PRKAR1A: variants seen among roughly 807,000 people sequenced by gnomAD.
The protein encoded by PRKAR1A is cAMP-dependent protein kinase type I-alpha regulatory subunit.
Under a neutral mutation model 52.0 loss-of-function variants are expected in PRKAR1A, and 3 were observed. That is an observed-to-expected ratio of 0.06 (90% CI 0.03 to 0.15). The LOEUF (loss-of-function observed/expected upper bound fraction) is 0.15. Ranked by LOEUF, PRKAR1A falls within the 10% of genes least tolerant of loss-of-function variation. The pLI, the probability that PRKAR1A is intolerant of heterozygous loss-of-function variation, is 1.00. For missense variants in PRKAR1A, 240 were observed against 477.4 expected (o/e 0.50, Z 4.63); for synonymous variants, 188 against 168.4 (o/e 1.12, Z -0.90).
intron 2 of PRKAR1A, among the ~76,000 whole-genome samples, chr17:68,515,983 C>T (rs1269207007): frequency 6.6e-6 from 1 of 152,144 alleles, no homozygotes; most frequent in Admixed American, 6.5e-5. Context: ...TCTTATCCCA[C>T]TTTTAAAACT....
Position 68,540,016 on chromosome 17 carries a change from G to A in PRKAR1A, c.973+10015G>A, listed in dbSNP as rs755660754. 9.0e-6 allele frequency: 14 copies of A among 1,547,302 alleles called. No individual in the cohort carries two copies. The African/African-American group carries it at 1.9e-4, about 21-fold the overall frequency. ...TGGAACCAGCAGGCCAGGGGGACAG[G>A]TGCTCCTGACCTGAGTTCTCTCCAG... is the stretch of plus-strand genomic sequence containing the variant. On this transcript the variant is annotated intron_variant, in intron 11 of 11. Coordinates refer to the PRKAR1A transcript ENST00000585981.
chr17:68,530,542 G>T lies in PRKAR1A; in HGVS notation c.*93G>T. Reference sequence around the variant, plus strand: ...TTTTCCCTACTTGCAGCGCCAAGTGGCCACTGGCATCGCAGCTTCCTGTCT... The same window carrying T: ...TTTTCCCTACTTGCAGCGCCAAGTGTCCACTGGCATCGCAGCTTCCTGTCT... On this transcript the variant is annotated 3_prime_UTR_variant, in exon 11 of 11. Transcript: ENST00000589228. The T allele has an allele frequency of 6.2e-7, 1 of 1,608,956 alleles. No homozygotes were observed.
intron 5 of PRKAR1A, among the ~76,000 whole-genome samples, 172 bp from the exon 6 acceptor site, chr17:68,524,740 A>C (rs910928108): frequency 1.3e-5 from 2 of 152,168 alleles, no homozygotes; most frequent in African/African-American, 4.8e-5. Context: ...ATTTTGATTA[A>C]TTCTATGACT....
In PRKAR1A at chr17:68,530,815, T is replaced by A. The variant is rs1216642187; in HGVS notation, c.*366T>A. On this transcript the variant is annotated 3_prime_UTR_variant, in exon 11 of 11. Transcript: ENST00000589228. ...TGCAAGATTTTTTTTTTAAGTGACA[T>A]AATTGTCCAGTTATAAGCGTATTTA... is the stretch of plus-strand genomic sequence containing the variant. 4 of 1,249,546 alleles carry A rather than the reference T, an allele frequency of 3.2e-6. No homozygotes were observed. The African/African-American group carries it at 6.0e-5, about 19-fold the overall frequency. The allele number at this position is 1,249,546 out of a possible 1,614,324, so 77.4% of individuals were successfully genotyped here.
the PRKAR1A span, among the ~76,000 whole-genome samples, chr17:68,475,475 A>AT: frequency 2.0e-5 from 3 of 152,118 alleles, no homozygotes; most frequent in African/African-American, 7.2e-5. Context: ...ATTCATTATT[A>AT]TTTTTTGAGA....
the PRKAR1A span, among the ~76,000 whole-genome samples, chr17:68,453,441 G>A: frequency 6.7e-6 from 1 of 148,838 alleles, no homozygotes; most frequent in African/African-American, 2.5e-5. Context: ...TTATTTGTTT[G>A]TTGCTTATAA....
rs181170350 is a variant in PRKAR1A at position 68,520,196 on chromosome 17, G to A, written c.178-2560G>A. Among the ~76,000 whole-genome samples the A allele has an allele frequency of 2.6e-5, 4 of 152,320 alleles. No individual in the cohort carries two copies. The East Asian group carries it at 7.7e-4, about 29-fold the overall frequency. ...CACACAGGCAACCATGGTATGGCAT[G>A]TCCACTTACATTCCATGGCCAGAGC... On this transcript the variant is annotated intron_variant, in intron 2 of 10. Coordinates refer to ENST00000589228, the MANE Select transcript of PRKAR1A (RefSeq NM_002734.5).
In PRKAR1A at chr17:68,524,055, A is replaced by G. The variant is rs773730028; in HGVS notation, c.480A>G (p.Ala160=). 2 of 1,613,968 alleles carry G rather than the reference A, an allele frequency of 1.2e-6. No individual in the cohort carries two copies. Among genetic ancestry groups the G allele is most frequent in the South Asian group, 1.1e-5 (1 of 91,082 alleles). ...FDAMFSVSFI[A]GETVIQQGDE... ...CCATGTTTTCGGTCTCCTTTATCGC[A>G]GGAGAGACTGTGATTCAGCAAGGTA... The change falls in exon 5 of 11, where the codon GCA becomes GCG. Residue 160 remains alanine, a synonymous_variant. Transcript: ENST00000589228.
the PRKAR1A span, among the ~76,000 whole-genome samples, chr17:68,502,290 T>C: frequency 3.9e-5 from 6 of 152,294 alleles, no homozygotes; most frequent in African/African-American, 1.4e-4. Context: ...GCTCATGGGT[T>C]GAATCACCTG....
chr17:68,467,158 T>C, the PRKAR1A span, among the ~76,000 whole-genome samples: 1 of 152,368 alleles, frequency 6.6e-6, no homozygotes, highest in South Asian at 2.1e-4. Flanking sequence ...TATACATTTA[T>C]CAGCTGAGGG....
the PRKAR1A span, among the ~76,000 whole-genome samples, chr17:68,466,393 T>C: frequency 1.3e-5 from 2 of 151,098 alleles, no homozygotes; most frequent in African/African-American, 4.9e-5. Flanking sequence ...TGAAATGTTA[T>C]TTATGTTTTC....
the PRKAR1A span, among the ~76,000 whole-genome samples, chr17:68,437,012 A>ATGTG: frequency 9.3e-4 from 76 of 82,070 alleles, no homozygotes; most frequent in African/African-American, 3.5e-3. Flanking sequence ...AAAAATATAT[A>ATGTG]TATATGTGTG....
the PRKAR1A span, among the ~76,000 whole-genome samples, chr17:68,486,089 T>G: frequency 6.6e-6 from 1 of 152,170 alleles, no homozygotes; most frequent in Non-Finnish European, 1.5e-5. Context: ...AGTGATTCAG[T>G]GAACTGTTGA....
the PRKAR1A span, among the ~76,000 whole-genome samples, chr17:68,458,973 A>G: frequency 2.6e-4 from 39 of 152,200 alleles, no homozygotes; most frequent in Non-Finnish European, 3.7e-4. Flanking sequence ...TGGACCTACA[A>G]TAGATGAACA....
chr17:68,450,675 G>T, the PRKAR1A span: 5 of 1,543,384 alleles, frequency 3.2e-6, no homozygotes, highest in South Asian at 2.5e-5. Flanking sequence ...CCATCTTTTT[G>T]TTTGGCTCCC....
the PRKAR1A span, among the ~76,000 whole-genome samples, chr17:68,491,069 C>CA: frequency 1.4e-5 from 2 of 145,710 alleles, no homozygotes; most frequent in South Asian, 2.2e-4. Context: ...AGCATTTTAG[C>CA]AAAAAAATGA....
chr17:68,511,588 T>G (rs953295987), upstream of PRKAR1A, among the ~76,000 whole-genome samples: 4 of 152,200 alleles, frequency 2.6e-5, no homozygotes, highest in African/African-American at 9.7e-5. Context: ...GGCCTCCTCT[T>G]GGACCCTGAC....
the PRKAR1A span, chr17:68,453,128 C>A: frequency 1.6e-6 from 1 of 615,200 alleles, no homozygotes; most frequent in Non-Finnish European, 2.9e-6. Flanking sequence ...TCCTTGGTAA[C>A]TTCCTAAATG....
the PRKAR1A span, among the ~76,000 whole-genome samples, chr17:68,491,056 C>T: frequency 3.8e-3 from 573 of 151,684 alleles, 5 homozygotes; most frequent in African/African-American, 0.013. Flanking sequence ...GACTCTCACT[C>T]AGAGCATTTT....
Sources: allele counts gnomAD v4.1 joint callset (sites outside exome capture counted in the v4.1 genomes callset), GRCh38; gene constraint gnomAD v4.1.1; transcripts MANE v1.5; gene names NCBI Gene and HGNC (gene_info 2026-07-23, HGNC 2026-07-21).